Variants in SLC15A5 observed in about 807,000 individuals in gnomAD.
SLC15A5 encodes the protein Peptide/histidine transporter ENSP00000340402.
In SLC15A5, 58 loss-of-function variants were observed where a neutral mutation model predicts 56.1. That is an observed-to-expected ratio of 1.03 (90% confidence interval 0.84 to 1.29). The LOEUF is 1.29. Ranked by LOEUF, SLC15A5 falls within the 50% of genes most tolerant of loss-of-function variation. The pLI is 0.00. For missense variants in SLC15A5, 681 were observed against 672.1 expected, an observed-to-expected ratio of 1.01 and a Z score of -0.15; for synonymous variants, 264 against 250.5, an observed-to-expected ratio of 1.05 and a Z score of -0.51.
At chr12:16,263,599 G>T (rs1043555369) in intron 2 of SLC15A5, among the ~76,000 whole-genome samples, 3 of 152,108 alleles carry the variant, frequency 2.0e-5, no homozygotes, top group Non-Finnish European at 2.9e-5. Context: ...TCTCTCCAGG[G>T]CATGTCAGAG....
chr12:16,276,334 C>T (rs1221695637), intron 1 of SLC15A5, among the ~76,000 whole-genome samples: 2 of 152,044 alleles, frequency 1.3e-5, no homozygotes, highest in African/African-American at 2.4e-5. Context: ...CCTACCAATA[C>T]TCATTTCAGC....
At chr12:16,224,010 C>A (rs940615173) in intron 6 of SLC15A5, among the ~76,000 whole-genome samples, 1 of 152,160 alleles carries the variant, frequency 6.6e-6, no homozygotes, top group African/African-American at 2.4e-5. Context: ...GCCACCGCAC[C>A]CGGCCTGTGA....
chr12:16,268,593 AT>A (rs1225396833), intron 2 of SLC15A5, among the ~76,000 whole-genome samples: 2 of 152,228 alleles, frequency 1.3e-5, no homozygotes, highest in Middle Eastern at 3.4e-3. Context: ...GTAGATTTAT[AT>A]TTTTTTCTCT....
chr12:16,224,687 G>A, intron 5 of SLC15A5, 85 bp from the exon 6 acceptor site: 1 of 1,242,026 alleles, frequency 8.1e-7, no homozygotes. Context: ...CTTACCCATT[G>A]ACATTAGATG....
In SLC15A5 at chr12:16,216,980, T is replaced by G; in HGVS notation, c.1396A>C (p.Thr466Pro). 6.5e-7 allele frequency: 1 copy of G among 1,536,728 alleles called. No individual in the cohort carries two copies. Among genetic ancestry groups the G allele is most frequent in the Non-Finnish European group, 8.7e-7 (1 of 1,146,562 alleles). Residue 466 changes from threonine to proline, a missense_variant, in exon 7 of 9, where the codon ACC becomes CCC. Transcript: ENST00000344941. ...YRFVPSNVRG[T>P]SMNFLTLFNG... Reference sequence around the variant, plus strand: ...AACAGTGTCAGAAAATTCATGGAGGTTCCTCTGACATTGCTTGGAACAAAT... The same window carrying G: ...AACAGTGTCAGAAAATTCATGGAGGGTCCTCTGACATTGCTTGGAACAAAT...
chr12:16,216,375 C>G (rs1043996800), intron 7 of SLC15A5, among the ~76,000 whole-genome samples: 5 of 152,096 alleles, frequency 3.3e-5, no homozygotes, highest in Non-Finnish European at 1.5e-5. Context: ...TTTAATATTT[C>G]AAACAATATT....
chr12:16,265,625 C>T (rs1864686673), intron 2 of SLC15A5, among the ~76,000 whole-genome samples: 1 of 152,054 alleles, frequency 6.6e-6, no homozygotes, highest in African/African-American at 2.4e-5. Context: ...ACCACAGGTG[C>T]ACACCACCAT....
At chr12:16,207,822 C>A (rs1565658233) in intron 7 of SLC15A5, among the ~76,000 whole-genome samples, 1 of 151,746 alleles carries the variant, frequency 6.6e-6, no homozygotes, top group African/African-American at 2.4e-5. Flanking sequence ...CCCGGCTAAT[C>A]TTTGTATTTT....
intron 2 of SLC15A5, among the ~76,000 whole-genome samples, chr12:16,266,486 A>G (rs1278168272): frequency 6.6e-6 from 1 of 152,220 alleles, no homozygotes; most frequent in East Asian, 1.9e-4. Context: ...GTCTAGGAAG[A>G]GATTTTACAT....
intron 3 of SLC15A5, among the ~76,000 whole-genome samples, chr12:16,248,987 A>G (rs935173447): frequency 5.3e-5 from 8 of 152,078 alleles, no homozygotes; most frequent in Non-Finnish European, 1.0e-4. Context: ...TTTTTTAAAA[A>G]ACTTTTAGAA....
chr12:16,230,664 A>G (rs1198202919), intron 5 of SLC15A5, among the ~76,000 whole-genome samples: 3 of 151,940 alleles, frequency 2.0e-5, no homozygotes, highest in Non-Finnish European at 4.4e-5. Context: ...CTGTAATCCC[A>G]GCATTTTGGG....
intron 2 of SLC15A5, among the ~76,000 whole-genome samples, chr12:16,259,063 A>T (rs1290154685): frequency 1.1e-5 from 1 of 89,364 alleles, no homozygotes; most frequent in African/African-American, 4.4e-5. Flanking sequence ...ACAAAGTCTT[A>T]CTCTGTCACC....
At chr12:16,207,561 G>A (rs898396487) in intron 7 of SLC15A5, among the ~76,000 whole-genome samples, 1 of 151,992 alleles carries the variant, frequency 6.6e-6, no homozygotes, top group South Asian at 2.1e-4. Context: ...AATATCACTG[G>A]GCAAATTCAT....
chr12:16,272,579 G>GT lies in SLC15A5; in HGVS notation c.565dup (p.Thr189AsnfsTer6), dbSNP rs759187780. The GT allele has an allele frequency of 2.0e-5, 30 of 1,536,788 alleles. No individual in the cohort carries two copies. The African/African-American group carries it at 3.4e-4, about 18-fold the overall frequency. ...TACTTACCAGTTAAAAAAAGACATC[G>GT]TTTTTTGTGATCCATACTCCTGAAG... On this transcript the variant is annotated frameshift_variant, in exon 2 of 9. Coordinates refer to ENST00000344941, the MANE Select transcript of SLC15A5 (RefSeq NM_001170798.1). LOFTEE classifies it high-confidence loss of function.
chr12:16,252,896 C>A (rs2136800940), intron 3 of SLC15A5, among the ~76,000 whole-genome samples: 1 of 152,166 alleles, frequency 6.6e-6, no homozygotes, highest in Non-Finnish European at 1.5e-5. Flanking sequence ...AAACATACTA[C>A]AAAGTAACAG....
chr12:16,222,393 A>G (rs913786051), intron 6 of SLC15A5, among the ~76,000 whole-genome samples: 2 of 152,162 alleles, frequency 1.3e-5, no homozygotes, highest in Non-Finnish European at 2.9e-5. Flanking sequence ...ACCCTTTCAT[A>G]TGTTATGTCA....
intron 2 of SLC15A5, among the ~76,000 whole-genome samples, chr12:16,265,427 T>A (rs1864684135): frequency 6.6e-6 from 1 of 152,124 alleles, no homozygotes; most frequent in Non-Finnish European, 1.5e-5. Flanking sequence ...CTATATTCAG[T>A]CTCTTTTCCT....
intron 7 of SLC15A5, among the ~76,000 whole-genome samples, chr12:16,210,982 A>G (rs545721225): frequency 4.6e-5 from 7 of 152,322 alleles, no homozygotes; most frequent in South Asian, 4.1e-4. Flanking sequence ...GGGTTTGCCT[A>G]TGGGAGTTAT....
At chr12:16,210,388 T>G (rs3864922) in intron 7 of SLC15A5, among the ~76,000 whole-genome samples, 80,131 of 152,022 alleles carry the variant, frequency 0.53, 21,549 homozygotes, top group South Asian at 0.73. Flanking sequence ...AATTGAACAG[T>G]ACAACTGAAC....
Sources: allele counts gnomAD v4.1 joint callset (sites outside exome capture counted in the v4.1 genomes callset), GRCh38; gene constraint gnomAD v4.1.1; transcripts MANE v1.5; gene names NCBI Gene and HGNC (gene_info 2026-07-23, HGNC 2026-07-21).